Variants in RUFY1 observed in about 807,000 individuals in gnomAD.
RUFY1 encodes RUN and FYVE domain-containing protein 1.
RUFY1 carries 54 observed loss-of-function variants against 94.6 expected under a neutral mutation model. The ratio of observed to expected loss-of-function variants is 0.57; its 90% confidence interval spans 0.46 to 0.72. RUFY1 has a LOEUF of 0.72. Ranked by LOEUF, RUFY1 falls within the 30% of genes least tolerant of loss-of-function variation. The pLI is 0.00. For missense variants in RUFY1, 883 were observed against 883.9 expected, an observed-to-expected ratio of 1.00 and a Z score of 0.01; for synonymous variants, 396 against 347.3, an observed-to-expected ratio of 1.14 and a Z score of -1.56.
At chr5:179,594,274 T>C (rs1765357276) in intron 11 of RUFY1, among the ~76,000 whole-genome samples, 1 of 150,794 alleles carries the variant, frequency 6.6e-6, no homozygotes, top group Non-Finnish European at 1.5e-5. Flanking sequence ...CACTCCAGCC[T>C]GGGCAACAGA....
intron 6 of RUFY1, among the ~76,000 whole-genome samples, chr5:179,580,088 TA>T (rs1354662329): frequency 6.6e-6 from 1 of 151,950 alleles, no homozygotes; most frequent in East Asian, 1.9e-4. Flanking sequence ...TTTGCAGACG[TA>T]AGAAAGAATA....
chr5:179,604,134 G>A (rs1434415648), intron 15 of RUFY1, among the ~76,000 whole-genome samples: 1 of 152,208 alleles, frequency 6.6e-6, no homozygotes, highest in Non-Finnish European at 1.5e-5. Context: ...CCAAATCCCA[G>A]TGTGAGCTGC....
intron 5 of RUFY1, among the ~76,000 whole-genome samples, chr5:179,573,804 G>A (rs1336332630): frequency 2.0e-5 from 3 of 152,150 alleles, no homozygotes; most frequent in African/African-American, 7.2e-5. Flanking sequence ...TTACAGGCGT[G>A]AGCCACCGTG....
rs1761793055 is a variant in RUFY1 at position 179,550,844 on chromosome 5, G to T, written c.275G>T (p.Gly92Val). 12 of 1,224,258 alleles carry T rather than the reference G, an allele frequency of 9.8e-6. No homozygotes were observed. The highest frequency in any genetic ancestry group is 1.2e-5 in the Non-Finnish European group (12 of 986,716). 75.8% of individuals were successfully genotyped at this position (1,224,258 alleles called of 1,614,324 possible). A position where few individuals can be genotyped will look rare whatever the true frequency, so the allele number is the denominator to read the frequency against. Residue 92 changes from glycine (G) to valine (V), a missense_variant, in exon 1 of 18, where the codon GGC becomes GTC. Physicochemically the swap from Gly to Val is moderately radical, Grantham distance 109 (BLOSUM62 -3). Transcript: ENST00000319449. ...GCGCTGCGCGCGGCCGCGGGGCTGG[G>T]CGGCGGGGACAGCGGGGACGGCACG... The part of the protein sequence containing the change: ...GSALRAAAGL[G>V]GGDSGDGTAR...
chr5:179,600,636 T>C (rs1030572535), intron 14 of RUFY1, among the ~76,000 whole-genome samples: 1 of 151,400 alleles, frequency 6.6e-6, no homozygotes, highest in Non-Finnish European at 1.5e-5. Flanking sequence ...GTTTATCTTT[T>C]AAAAAGAAGC....
chr5:179,559,064 C>T (rs950241759), intron 1 of RUFY1, among the ~76,000 whole-genome samples: 1 of 152,208 alleles, frequency 6.6e-6, no homozygotes, highest in Non-Finnish European at 1.5e-5. Context: ...GATCCCCCGC[C>T]CCCATTCCAA....
chr5:179,581,916 C>T, intron 7 of RUFY1, among the ~76,000 whole-genome samples: 1 of 151,980 alleles, frequency 6.6e-6, no homozygotes, highest in East Asian at 1.9e-4. Flanking sequence ...AACTCCTGGG[C>T]TCAAGCAATC....
chr5:179,553,360 A>G (rs1387956872), intron 1 of RUFY1, among the ~76,000 whole-genome samples: 1 of 152,246 alleles, frequency 6.6e-6, no homozygotes, highest in African/African-American at 2.4e-5. Context: ...GGAATTTTGC[A>G]CTGGGCCTTG....
At chr5:179,577,159 CTTTTTTTTTTTTTTTTTTT>C in intron 6 of RUFY1, 23 bp downstream of exon 6, 8 of 183,384 alleles carry the variant, frequency 4.4e-5, no homozygotes, top group Non-Finnish European at 7.7e-5. Flanking sequence ...TTGTATGTCA[CTTTTTTTTTTTTTTTTTTT>C]TTTTTTTTTT....
Position 179,607,589 on chromosome 5 carries a change from C to T in RUFY1, c.1913C>T (p.Ala638Val). The change falls in exon 17 of 18, where the codon GCC becomes GTC. Residue 638 changes from alanine (A) to valine (V), a missense_variant. By Grantham distance (64) the Ala-to-Val change is moderately conservative. Transcript: ENST00000319449. ...ATGTCCTTTCCTCTTCAGGGCCACG[C>T]CTGGCTGAAAGATGACGAAGCGACA... ...KEVNQALKGH[A>V]WLKDDEATHC... 1.9e-6 allele frequency: 3 copies of T among 1,614,176 alleles called. No individual in the cohort carries two copies. In the South Asian group the frequency reaches 3.3e-5, roughly 18 times the overall value.
intron 8 of RUFY1, among the ~76,000 whole-genome samples, chr5:179,587,382 C>CTTTCTTTTT (rs1554120678): frequency 7.3e-6 from 1 of 136,726 alleles, no homozygotes; most frequent in African/African-American, 2.9e-5. Context: ...TTCTTTCTTT[C>CTTTCTTTTT]TTTTTTTTTT....
intron 12 of RUFY1, 98 bp from the exon 13 acceptor site, chr5:179,596,464 A>C: frequency 6.9e-7 from 1 of 1,443,800 alleles, no homozygotes; most frequent in Non-Finnish European, 9.7e-7. Context: ...AGTTAATTTT[A>C]CTGTATGGTA....
chr5:179,589,102 C>T, intron 8 of RUFY1, among the ~76,000 whole-genome samples: 1 of 152,142 alleles, frequency 6.6e-6, no homozygotes, highest in Non-Finnish European at 1.5e-5. Flanking sequence ...TACCATATAA[C>T]CTTTTTTCCT....
At chr5:179,592,095 C>A (rs1448246448) in intron 10 of RUFY1, among the ~76,000 whole-genome samples, 51 of 151,964 alleles carry the variant, frequency 3.4e-4, no homozygotes, top group Non-Finnish European at 5.9e-5. Context: ...CAGGCACCCG[C>A]CACCACACCC....
At chr5:179,588,146 G>A (rs1764758993) in intron 8 of RUFY1, among the ~76,000 whole-genome samples, 1 of 152,166 alleles carries the variant, frequency 6.6e-6, no homozygotes, top group Non-Finnish European at 1.5e-5. Context: ...AAGCCTTGGT[G>A]TTTCTTTTTT....
chr5:179,572,885 TAC>T (rs1038572353), intron 5 of RUFY1: 4 of 152,252 alleles, frequency 2.6e-5, no homozygotes, highest in African/African-American at 9.7e-5. Context: ...GGTAATTTTT[TAC>T]ACACTTTATG....
intron 5 of RUFY1, among the ~76,000 whole-genome samples, chr5:179,576,842 C>T (rs1269387911): frequency 2.6e-5 from 4 of 151,782 alleles, no homozygotes; most frequent in African/African-American, 7.3e-5. Flanking sequence ...TAAACTAGGT[C>T]GTGAAATTTC....
At chr5:179,577,958 T>G (rs560773995) in intron 6 of RUFY1, among the ~76,000 whole-genome samples, 1 of 152,136 alleles carries the variant, frequency 6.6e-6, no homozygotes, top group South Asian at 2.1e-4. Context: ...ACAGAAGCAG[T>G]GCATTATTCT....
intron 12 of RUFY1, among the ~76,000 whole-genome samples, chr5:179,595,677 A>G (rs10479445): frequency 6.6e-6 from 1 of 151,230 alleles, no homozygotes; most frequent in Non-Finnish European, 1.5e-5. Context: ...TCAGCCTCCC[A>G]AGTAGCTGGG....
Sources: gnomAD v4.1 joint callset for allele counts (sites outside exome capture counted in the v4.1 genomes callset) on GRCh38, gnomAD v4.1.1 for gene constraint, MANE v1.5 for transcripts, NCBI Gene and HGNC (gene_info 2026-07-23, HGNC 2026-07-21) for gene names.